EXOSC7: variants seen among roughly 807,000 people sequenced by gnomAD.
The protein encoded by EXOSC7 is exosome complex component RRP42.
Under a neutral mutation model 34.3 loss-of-function variants are expected in EXOSC7, and 25 were observed. The ratio of observed to expected loss-of-function variants is 0.73; its 90% CI spans 0.53 to 1.02. EXOSC7 has a LOEUF of 1.02. Among genes scored for constraint, EXOSC7 ranks in the 50% least tolerant of loss-of-function variants. EXOSC7 has a pLI of 0.00. For synonymous variants in EXOSC7, 130 were observed against 143.0 expected (o/e 0.91, Z 0.65); for missense variants, 370 against 368.5 (o/e 1.00, Z -0.03).
At chr3:45,003,685 GT>G (rs1706949086) in intron 5 of EXOSC7, among the ~76,000 whole-genome samples, 1 of 152,156 alleles carries the variant, frequency 6.6e-6, no homozygotes, top group Admixed American at 6.5e-5. Context: ...GGTTAAATGT[GT>G]TTTTCAGTAC....
chr3:44,998,643 T>A (rs530711037), intron 4 of EXOSC7, among the ~76,000 whole-genome samples: 55 of 152,356 alleles, frequency 3.6e-4, no homozygotes, highest in African/African-American at 1.3e-3. Context: ...ATTTTAAAAT[T>A]AATTTGATAT....
Position 45,011,458 on chromosome 3 carries a change from G to A in EXOSC7, c.*119G>A, listed in dbSNP as rs993050210. The A allele has an allele frequency of 1.2e-5, 8 of 683,796 alleles. No homozygotes were observed. The highest frequency in any genetic ancestry group is 1.8e-5 in the African/African-American group (1 of 54,518). 42.4% of individuals were successfully genotyped at this position (683,796 alleles called of 1,614,324 possible). A position where few individuals can be genotyped will look rare whatever the true frequency, so the allele number is the denominator to read the frequency against. ...AGCATTTGTACATGTAAAATTAAAG[G>A]CTATTTTCTGGTCTGGTTTGGTATG... On this transcript the variant is annotated 3_prime_UTR_variant, in exon 8 of 8. Transcript: ENST00000265564.
chr3:44,997,489 C>T (rs2125968736), intron 4 of EXOSC7, among the ~76,000 whole-genome samples: 1 of 152,220 alleles, frequency 6.6e-6, no homozygotes, highest in East Asian at 1.9e-4. Context: ...ATCATGATAG[C>T]ACCTAAAATT....
chr3:44,999,819 T>G (rs996874774), intron 4 of EXOSC7, among the ~76,000 whole-genome samples: 5 of 152,246 alleles, frequency 3.3e-5, no homozygotes, highest in Admixed American at 6.5e-5. Context: ...GGATGGGTGA[T>G]ATACTGAATA....
intron 7 of EXOSC7, among the ~76,000 whole-genome samples, chr3:45,008,754 A>G (rs554148626): frequency 6.6e-6 from 1 of 152,232 alleles, no homozygotes; most frequent in Non-Finnish European, 1.5e-5. Context: ...TGCTGCATAA[A>G]TTCTACCAAA....
At chr3:44,985,601 T>C (rs976170384) in intron 1 of EXOSC7, among the ~76,000 whole-genome samples, 9 of 151,894 alleles carry the variant, frequency 5.9e-5, no homozygotes, top group Admixed American at 1.3e-4. Context: ...GCTTCAGGAG[T>C]GAAGCTGCAG....
chr3:44,978,212 A>C (rs1250073257), intron 1 of EXOSC7, among the ~76,000 whole-genome samples: 1 of 152,352 alleles, frequency 6.6e-6, no homozygotes, highest in East Asian at 1.9e-4. Context: ...TAATCCCAGC[A>C]CTTTGAAAGG....
intron 1 of EXOSC7, 107 bp downstream of exon 1, chr3:44,976,441 C>A: frequency 1.0e-6 from 1 of 959,038 alleles, no homozygotes; most frequent in Non-Finnish European, 1.5e-6. Context: ...TGCGGCGACT[C>A]TCCGTTTACC....
At chr3:44,998,269 CAAGT>C (rs2125969202) in intron 4 of EXOSC7, among the ~76,000 whole-genome samples, 1 of 152,200 alleles carries the variant, frequency 6.6e-6, no homozygotes, top group African/African-American at 2.4e-5. Flanking sequence ...CTCCTGACCT[CAAGT>C]GATCCACCTG....
intron 1 of EXOSC7, among the ~76,000 whole-genome samples, chr3:44,978,846 G>A (rs1198765389): frequency 6.6e-6 from 1 of 152,212 alleles, no homozygotes; most frequent in African/African-American, 2.4e-5. Context: ...ATCTTGGAAG[G>A]CAATAGCCTG....
chr3:44,976,387 G>A, intron 1 of EXOSC7, 53 bp downstream of exon 1: 1 of 1,490,690 alleles, frequency 6.7e-7, no homozygotes, highest in South Asian at 1.3e-5. Context: ...TGGCCCTGCG[G>A]GTCGCGGCCT....
Position 44,981,373 on chromosome 3 carries a change from T to A in EXOSC7, c.57+5039T>A, listed in dbSNP as rs1042864484. Among the ~76,000 whole-genome samples, 4 of 152,188 alleles carry A rather than the reference T, an allele frequency of 2.6e-5. No individual in the cohort carries two copies. In the South Asian group the frequency reaches 8.3e-4, roughly 32 times the overall value. ...TTCCCTTGTGTAAAATGGGGACTTA[T>A]GCACCTGGAAGTAGAATGGGGTTAT... On this transcript the variant is annotated intron_variant, in intron 1 of 7. Transcript: ENST00000265564.
intron 1 of EXOSC7, among the ~76,000 whole-genome samples, chr3:44,978,080 A>G (rs1706167385): frequency 6.6e-6 from 1 of 152,204 alleles, no homozygotes; most frequent in Admixed American, 6.5e-5. Context: ...GGAGACAAAC[A>G]GAGAGTAAAA....
intron 3 of EXOSC7, among the ~76,000 whole-genome samples, chr3:44,994,324 C>T (rs1177755009): frequency 6.7e-6 from 1 of 149,528 alleles, no homozygotes; most frequent in Non-Finnish European, 1.5e-5. Flanking sequence ...ACAGTGTCAT[C>T]CCACAGGTCA....
At chr3:45,008,612 A>T (rs1360842010) in intron 7 of EXOSC7, among the ~76,000 whole-genome samples, 1 of 152,168 alleles carries the variant, frequency 6.6e-6, no homozygotes, top group Non-Finnish European at 1.5e-5. Flanking sequence ...TGAGGTTGTT[A>T]TTAGGATGAT....
chr3:44,994,820 CCT>C (rs1318927102), intron 3 of EXOSC7, among the ~76,000 whole-genome samples: 1 of 148,922 alleles, frequency 6.7e-6, no homozygotes, highest in African/African-American at 2.5e-5. Flanking sequence ...TCTAAACCTT[CCT>C]CTCTGTCTGA....
chr3:45,004,162 G>A (rs770494871), intron 5 of EXOSC7: 4 of 152,030 alleles, frequency 2.6e-5, no homozygotes, highest in African/African-American at 4.8e-5. Context: ...CTTTAGTTAC[G>A]GTAGATGCTG....
intron 4 of EXOSC7, among the ~76,000 whole-genome samples, chr3:44,999,980 A>G (rs1440400055): frequency 6.6e-6 from 1 of 151,430 alleles, no homozygotes; most frequent in Non-Finnish European, 1.5e-5. Flanking sequence ...TTTGCTGGGC[A>G]CCCTGCCATG....
intron 5 of EXOSC7, chr3:45,005,002 A>G (rs1308155056): frequency 3.1e-6 from 1 of 318,544 alleles, no homozygotes; most frequent in East Asian, 5.2e-5. Context: ...TCTATGGTCT[A>G]TTTGGTATGG....
Sources: gnomAD v4.1 joint callset for allele counts (sites outside exome capture counted in the v4.1 genomes callset) on GRCh38, gnomAD v4.1.1 for gene constraint, MANE v1.5 for transcripts, NCBI Gene and HGNC (gene_info 2026-07-23, HGNC 2026-07-21) for gene names.